Variants in CP observed in about 807,000 individuals in gnomAD.
CP encodes caeruloplasmin.
A neutral mutation model predicts 122.4 loss-of-function variants in CP; 64 were observed. That is an observed-to-expected ratio of 0.52 (90% CI 0.43 to 0.64). The LOEUF (loss-of-function observed/expected upper bound fraction) is 0.64, where lower values mean the gene tolerates loss of function less well. CP is among the 30% of genes least tolerant of loss of function. The probability of loss-of-function intolerance (pLI) is 0.00; values close to 1 mark genes in which losing one functional copy is unlikely to be tolerated. For synonymous variants in CP, 440 were observed against 436.4 expected (o/e 1.01, Z -0.10); for missense variants, 1,167 against 1,284.4 (o/e 0.91, Z 1.40).
chr3:149,188,222 G>A lies in CP; in HGVS notation c.1714-20C>T, dbSNP rs367695920. 9.1e-5 allele frequency: 146 copies of A among 1,602,510 alleles called. No homozygotes were observed. Among genetic ancestry groups the A allele is most frequent in the Non-Finnish European group, 1.1e-4 (133 of 1,173,066 alleles). The stretch of plus-strand genomic sequence containing the variant: ...ATCTTTCTGTAAATCAAAACAAAAT[G>A]AGATGGAGACAGAATGAATAAAGCA... On this transcript the variant is annotated intron_variant, in intron 9 of 18. Transcript: ENST00000264613.
intron 6 of CP, among the ~76,000 whole-genome samples, chr3:149,205,629 A>T (rs1426790729): frequency 6.6e-6 from 1 of 152,162 alleles, no homozygotes; most frequent in East Asian, 1.9e-4. Flanking sequence ...GCTAAGTGAT[A>T]TAAAAGACAC....
rs116728130 is a variant in CP at position 149,198,842 on chromosome 3, G to A, written c.1502-264C>T. ...GAATGTCCCTAGCACCTTTCATGTT[G>A]TATTGCGTGTATTTCTCTCGAACAG... On this transcript the variant is annotated intron_variant, in intron 8 of 18. Coordinates refer to ENST00000264613, the MANE Select transcript of CP (RefSeq NM_000096.4). Among the ~76,000 whole-genome samples, 94 of 152,288 alleles carry A rather than the reference G, an allele frequency of 6.2e-4. 1 individual carries two copies. The highest frequency in any genetic ancestry group is 2.2e-3 in the African/African-American group (93 of 41,560).
chr3:149,210,852 G>A (rs1559958990), intron 2 of CP, among the ~76,000 whole-genome samples: 1 of 152,046 alleles, frequency 6.6e-6, no homozygotes, highest in South Asian at 2.1e-4. Context: ...AACAATGATC[G>A]ACTCAAGGCC....
rs1726062825 is a variant in CP, at chr3:149,185,093, G to A, written c.2285+146C>T. 4.1e-6 allele frequency: 3 copies of A among 729,360 alleles called. No homozygotes were observed. The Admixed American group carries it at 6.9e-5, about 17-fold the overall frequency. 45.2% of individuals were successfully genotyped at this position (729,360 alleles called of 1,614,324 possible). A position where few individuals can be genotyped will look rare whatever the true frequency, so the allele number is the denominator to read the frequency against. ...GGAAATGAATAAGGACAAGTTCCTA[G>A]GAAGTGTTTTGTTGTTGTTGTTGTT... is the stretch of plus-strand genomic sequence containing the variant. On this transcript the variant is annotated intron_variant, in intron 12 of 18. Coordinates refer to ENST00000264613, the MANE Select transcript of CP (RefSeq NM_000096.4).
At chr3:149,181,839 G>C (rs1271141800) in intron 14 of CP, among the ~76,000 whole-genome samples, 166 bp downstream of exon 14, 1 of 151,888 alleles carries the variant, frequency 6.6e-6, no homozygotes, top group Non-Finnish European at 1.5e-5. Context: ...TTTAGTACAA[G>C]CATGTGCATG....
Position 149,178,500 on chromosome 3 carries a change from T to A in CP, c.2793A>T (p.Leu931Phe), listed in dbSNP as rs34987997. 15 of 1,613,404 alleles carry A rather than the reference T, an allele frequency of 9.3e-6. No individual in the cohort carries two copies. The East Asian group carries it at 3.3e-4, about 36-fold the overall frequency. Residue 931 changes from leucine (L) to phenylalanine (F), a missense_variant, in exon 16 of 19, where the codon TTA becomes TTT. Physicochemically the swap from Leu to Phe is conservative, Grantham distance 22. Transcript: ENST00000264613. ...CAGAGTATGTTTTGATGTTGTCATCTAAGTACCAAGATTCATTCTCATCAA... is the reference window on the plus strand; with the variant it reads ...CAGAGTATGTTTTGATGTTGTCATCAAAGTACCAAGATTCATTCTCATCAA... The part of the protein sequence containing the change: ...LVFDENESWY[L>F]DDNIKTYSDH...
chr3:149,166,081 A>G lies in CP; in HGVS notation c.587-31T>C, dbSNP rs759668942. On this transcript the variant is annotated intron_variant, in intron 4 of 5. Coordinates refer to the CP transcript ENST00000479771. ...GCAAAAAGGGTACAGGGACAAGAAA[A>G]TTAGGACATGACCATCTCATCTTTA... 1.4e-4 allele frequency: 64 copies of G among 452,850 alleles called. 1 individual carries two copies. The highest frequency in any genetic ancestry group is 1.0e-3 in the South Asian group (63 of 63,304). 28.1% of individuals were successfully genotyped at this position (452,850 alleles called of 1,614,324 possible). A position where few individuals can be genotyped will look rare whatever the true frequency, so the allele number is the denominator to read the frequency against.
At chr3:149,201,614 G>A in intron 7 of CP, among the ~76,000 whole-genome samples, 1 of 151,948 alleles carries the variant, frequency 6.6e-6, no homozygotes, top group Non-Finnish European at 1.5e-5. Flanking sequence ...TTTTTGAGAT[G>A]TAGTCTCGCT....
At chr3:149,204,724 T>C (rs913761661) in intron 6 of CP, among the ~76,000 whole-genome samples, 1 of 152,172 alleles carries the variant, frequency 6.6e-6, no homozygotes, top group South Asian at 2.1e-4. Context: ...GGAAGTGATA[T>C]ATGAGTAAAG....
chr3:149,189,471 G>A (rs912679876), intron 9 of CP, among the ~76,000 whole-genome samples: 4 of 151,254 alleles, frequency 2.6e-5, no homozygotes, highest in African/African-American at 4.9e-5. Context: ...GGAGAATGGC[G>A]TGAACCCAGG....
At chr3:149,166,095 A>G (rs767952088) in intron 4 of CP, 9 of 445,754 alleles carry the variant, frequency 2.0e-5, no homozygotes, top group South Asian at 9.7e-5. Context: ...GGACATGACC[A>G]TCTCATCTTT....
chr3:149,210,995 T>C (rs568000335), intron 2 of CP, among the ~76,000 whole-genome samples: 1 of 152,336 alleles, frequency 6.6e-6, no homozygotes, highest in South Asian at 2.1e-4. Flanking sequence ...AACCCTTTTT[T>C]TCTTCTAACA....
At chr3:149,191,535 CAG>C (rs1242658283) in intron 9 of CP, among the ~76,000 whole-genome samples, 1 of 141,004 alleles carries the variant, frequency 7.1e-6, no homozygotes, top group Non-Finnish European at 1.5e-5. Flanking sequence ...GTAAAATAAA[CAG>C]AGATGTTCTC....
At chr3:149,177,093 T>A (rs1725468277) in intron 17 of CP, among the ~76,000 whole-genome samples, 1 of 152,114 alleles carries the variant, frequency 6.6e-6, no homozygotes, top group African/African-American at 2.4e-5. Context: ...AAATCAGTAC[T>A]GAGAAAGAAT....
At chr3:149,219,060 T>G (rs919945874) in intron 1 of CP, among the ~76,000 whole-genome samples, 4 of 152,214 alleles carry the variant, frequency 2.6e-5, no homozygotes, top group African/African-American at 9.7e-5. Context: ...GGTTGCTATC[T>G]GCACACATCT....
intron 18 of CP, among the ~76,000 whole-genome samples, chr3:149,175,377 C>A (rs1445851569): frequency 1.3e-5 from 2 of 151,974 alleles, no homozygotes; most frequent in Non-Finnish European, 2.9e-5. Context: ...TTGTGTAAGA[C>A]CCAGGAGCAG....
downstream of CP, chr3:149,168,500 G>A (rs1724655111): frequency 6.1e-6 from 1 of 163,260 alleles, no homozygotes; most frequent in Admixed American, 5.9e-5. Context: ...TTTCTATACT[G>A]CTGTGTGTTA....
chr3:149,201,828 C>T (rs1422405915), intron 7 of CP, among the ~76,000 whole-genome samples: 1 of 152,042 alleles, frequency 6.6e-6, no homozygotes, highest in Non-Finnish European at 1.5e-5. Context: ...ACTCCTTACC[C>T]AAGTGATCTG....
downstream of CP, chr3:149,171,975 G>A: frequency 2.3e-6 from 2 of 887,206 alleles, no homozygotes; most frequent in Non-Finnish European, 3.6e-6. Context: ...AAAGTGCTGG[G>A]ATTACAGGCG....
Sources: allele counts gnomAD v4.1 joint callset (sites outside exome capture counted in the v4.1 genomes callset), GRCh38; gene constraint gnomAD v4.1.1; transcripts MANE v1.5; gene names NCBI Gene and HGNC (gene_info 2026-07-23, HGNC 2026-07-21).